NISCH: variants seen among roughly 807,000 people sequenced by gnomAD.
NISCH encodes the protein I-1 receptor candidate protein.
In NISCH, 55 loss-of-function variants were observed where a neutral mutation model predicts 138.4. The ratio of observed to expected loss-of-function variants is 0.40; its 90% CI spans 0.32 to 0.50. The LOEUF is 0.50. NISCH is among the 20% of genes least tolerant of loss of function. NISCH has a pLI of 0.71. For synonymous variants in NISCH, 860 were observed against 861.5 expected, an observed-to-expected ratio of 1.00 and a Z score of 0.03; for missense variants, 1,643 against 2,005.5, an observed-to-expected ratio of 0.82 and a Z score of 3.45.
chr3:52,466,101 A>G (rs1706772431), intron 3 of NISCH, among the ~76,000 whole-genome samples: 1 of 152,198 alleles, frequency 6.6e-6, no homozygotes, highest in Non-Finnish European at 1.5e-5. Context: ...TTAGTTGCAA[A>G]GTACTGAGGC....
intron 3 of NISCH, among the ~76,000 whole-genome samples, chr3:52,469,228 T>C (rs1430010331): frequency 6.6e-6 from 1 of 152,152 alleles, no homozygotes; most frequent in African/African-American, 2.4e-5. Context: ...AAAAGGCCTG[T>C]TGGCTGCCAT....
At chr3:52,485,750 G>A (rs1490381216) in intron 14 of NISCH, 28 bp from the exon 15 acceptor site, 2 of 1,565,376 alleles carry the variant, frequency 1.3e-6, no homozygotes, top group African/African-American at 2.7e-5. Flanking sequence ...CAGTAGGTGG[G>A]GACTGACTGT....
intron 20 of NISCH, 121 bp downstream of exon 20, chr3:52,491,634 G>T: frequency 7.9e-7 from 1 of 1,261,332 alleles, no homozygotes; most frequent in Non-Finnish European, 1.1e-6. Context: ...CACTTAGCTG[G>T]CCAGGGTTTT....
At chr3:52,491,675 C>G (rs1353254911) in intron 20 of NISCH, 162 bp downstream of exon 20, 2 of 1,047,086 alleles carry the variant, frequency 1.9e-6, no homozygotes, top group East Asian at 2.6e-5. Context: ...AGAGTCTCCA[C>G]TCCAGCAGTC....
Position 52,488,333 on chromosome 3 carries a change from G to A in NISCH, c.2841G>A (p.Pro947=), listed in dbSNP as rs768780648. ...NRNSFKLSRV[P]LSTVLLDPTR... ...ACAGCTTCAAGCTCAGCCGTGTGCCGCTCTCCACCGTGCTGCTGGACCCCA... is the reference window on the plus strand; with the variant it reads ...ACAGCTTCAAGCTCAGCCGTGTGCCACTCTCCACCGTGCTGCTGGACCCCA... The change falls in exon 16 of 21, where the codon CCG becomes CCA. Residue 947 remains proline, a synonymous_variant. Transcript: ENST00000345716. 65 of 1,612,692 alleles carry A rather than the reference G, an allele frequency of 4.0e-5. No individual in the cohort carries two copies. The highest frequency in any genetic ancestry group is 5.0e-5 in the Non-Finnish European group (59 of 1,180,010).
At chr3:52,467,475 C>T (rs1330057277) in intron 3 of NISCH, among the ~76,000 whole-genome samples, 1 of 152,152 alleles carries the variant, frequency 6.6e-6, no homozygotes, top group Non-Finnish European at 1.5e-5. Flanking sequence ...ATGAGCCCAC[C>T]GTTTGACCAG....
chr3:52,486,860 C>T (rs567377626), intron 15 of NISCH, among the ~76,000 whole-genome samples: 5 of 152,342 alleles, frequency 3.3e-5, no homozygotes, highest in Admixed American at 1.3e-4. Context: ...TCCTTCTCTC[C>T]GGGGCTTATG....
At chr3:52,467,377 A>G (rs182340543) in intron 3 of NISCH, among the ~76,000 whole-genome samples, 10 of 152,288 alleles carry the variant, frequency 6.6e-5, no homozygotes, top group African/African-American at 2.4e-4. Flanking sequence ...TTCAGCACAG[A>G]TGGGGTAGGG....
In NISCH at chr3:52,492,484, C is replaced by G; in HGVS notation, c.*2C>G. On this transcript the variant is annotated 3_prime_UTR_variant, in exon 21 of 21. Coordinates refer to ENST00000345716, the MANE Select transcript of NISCH (RefSeq NM_007184.4). ...CTGCCTGTCGAGCTCACCGGCTAGC[C>G]CAGGCCACAGCCAGCCTGTCGTGTC... 6.3e-7 allele frequency: 1 copy of G among 1,589,718 alleles called. No individual in the cohort carries two copies. Among genetic ancestry groups the G allele is most frequent in the South Asian group, 1.1e-5 (1 of 88,134 alleles).
At chr3:52,476,032 G>A in intron 7 of NISCH, 1 of 203,988 alleles carries the variant, frequency 4.9e-6, no homozygotes, top group Non-Finnish European at 1.0e-5. Flanking sequence ...CAGCTACTGG[G>A]GAGGCTAAGA....
chr3:52,476,302 G>C, intron 7 of NISCH, 145 bp from the exon 8 acceptor site: 2 of 821,736 alleles, frequency 2.4e-6, no homozygotes, highest in Non-Finnish European at 3.9e-6. Context: ...TAAAGACATA[G>C]GAACCAAAGG....
rs1177786919 is a variant in NISCH at position 52,475,183 on chromosome 3, C to T, written c.766-1264C>T. Among the ~76,000 whole-genome samples, 4 of 148,070 alleles carry T rather than the reference C, an allele frequency of 2.7e-5. No homozygotes were observed. In the South Asian group the frequency reaches 6.4e-4, roughly 24 times the overall value. On this transcript the variant is annotated intron_variant, in intron 7 of 20. Coordinates refer to ENST00000345716, the MANE Select transcript of NISCH (RefSeq NM_007184.4). Reference sequence around the variant, plus strand: ...ACCAACCTGGGCAACATAGGGAGACCTTGTCTCTTAAAAAAAAAAAAAAAA... The same window carrying T: ...ACCAACCTGGGCAACATAGGGAGACTTTGTCTCTTAAAAAAAAAAAAAAAA...
chr3:52,473,902 A>T (rs887773337), intron 7 of NISCH, 73 bp downstream of exon 7: 1 of 923,844 alleles, frequency 1.1e-6, no homozygotes, highest in Non-Finnish European at 1.7e-6. Flanking sequence ...TCCACCACTA[A>T]GGATGGGTGA....
At chr3:52,474,028 A>G (rs1476632699) in intron 7 of NISCH, among the ~76,000 whole-genome samples, 199 bp downstream of exon 7, 1 of 152,236 alleles carries the variant, frequency 6.6e-6, no homozygotes, top group Non-Finnish European at 1.5e-5. Context: ...TCACATCTGC[A>G]TAAAAAGTTC....
intron 3 of NISCH, among the ~76,000 whole-genome samples, chr3:52,469,201 A>G (rs1260238780): frequency 6.6e-6 from 1 of 151,748 alleles, no homozygotes; most frequent in East Asian, 1.9e-4. Context: ...TGCAGCCTCC[A>G]TCTGGAGCTG....
At chr3:52,484,462 T>TTGGGGGGCCC in intron 13 of NISCH, 51 bp from the exon 14 acceptor site, 3 of 788,670 alleles carry the variant, frequency 3.8e-6, no homozygotes, top group Non-Finnish European at 5.5e-6. Context: ...ACAGCCGCTC[T>TTGGGGGGCCC]CCCCGCCCCA....
At position 52,458,945 on chromosome 3, in the gene NISCH, T is replaced by G. The variant is rs1706553221; in HGVS notation, c.360+101T>G. On this transcript the variant is annotated intron_variant, in intron 3 of 20. Transcript: ENST00000345716. ...ACCTCAGCTTTGAGGTGGGCTGGGG[T>G]TTGACCCTAGGTTAGAAGATGGAGG... 2.5e-5 allele frequency: 26 copies of G among 1,034,136 alleles called. 1 individual carries two copies. The South Asian group carries it at 4.6e-4, about 18-fold the overall frequency. 64.1% of individuals were successfully genotyped at this position (1,034,136 alleles called of 1,614,324 possible).
intron 2 of NISCH, 70 bp downstream of exon 2, chr3:52,457,996 A>G: frequency 8.2e-7 from 1 of 1,225,496 alleles, no homozygotes; most frequent in Non-Finnish European, 1.2e-6. Context: ...CCATTGTGCC[A>G]CATATTAGTT....
chr3:52,456,145 C>T (rs1167750550), intron 1 of NISCH, among the ~76,000 whole-genome samples: 1 of 151,968 alleles, frequency 6.6e-6, no homozygotes, highest in African/African-American at 2.4e-5. Flanking sequence ...TGGATGGAAT[C>T]AGGGAAAAGG....
Sources: allele counts gnomAD v4.1 joint callset (sites outside exome capture counted in the v4.1 genomes callset), GRCh38; gene constraint gnomAD v4.1.1; transcripts MANE v1.5; gene names NCBI Gene and HGNC (gene_info 2026-07-23, HGNC 2026-07-21).